IL6ST: variants seen among roughly 807,000 people sequenced by gnomAD.
IL6ST encodes interleukin 6 cytokine family signal transducer.
A neutral mutation model predicts 91.3 loss-of-function variants in IL6ST; 24 were observed. That is an observed-to-expected ratio of 0.26 (90% CI 0.19 to 0.37). The LOEUF is 0.37. Among genes scored for constraint, IL6ST ranks in the 10% least tolerant of loss-of-function variants. The pLI is 1.00. For missense variants in IL6ST, 914 were observed against 1,078.5 expected (o/e 0.85, Z 2.14); for synonymous variants, 351 against 373.6 (o/e 0.94, Z 0.70).
At chr5:55,956,675 T>TAGA (rs1751997218) in intron 9 of IL6ST, among the ~76,000 whole-genome samples, 6 of 152,338 alleles carry the variant, frequency 3.9e-5, no homozygotes, top group Admixed American at 2.0e-4. Context: ...ATAGAACTTA[T>TAGA]ACTTTCACAG....
chr5:55,973,961 G>GC (rs1324421739), intron 3 of IL6ST, among the ~76,000 whole-genome samples: 2 of 152,094 alleles, frequency 1.3e-5, no homozygotes, highest in Non-Finnish European at 2.9e-5. Context: ...AATGAAATTA[G>GC]CAACAGAGGA....
At position 55,941,103 on chromosome 5, in the gene IL6ST, T is replaced by C. The variant is rs150684244; in HGVS notation, c.2736A>G (p.Gln912=). ...PKSYLPQTVR[Q]GGYMPQ is the part of the protein sequence containing the mutation. The stretch of plus-strand genomic sequence containing the variant: ...TCCTTCACTGAGGCATGTAGCCGCC[T>C]TGCCGTACAGTCTGTGGTAAGTAAC... The change falls in exon 17 of 17, where the codon CAA becomes CAG. Residue 912 remains glutamine (Q), a synonymous_variant. Transcript: ENST00000381298. 1.9e-4 allele frequency: 303 copies of C among 1,613,250 alleles called. 2 individuals carry two copies. In the African/African-American group the frequency reaches 3.4e-3, roughly 18 times the overall value.
At chr5:55,967,451 C>T (rs568825885) in intron 5 of IL6ST, among the ~76,000 whole-genome samples, 2 of 149,826 alleles carry the variant, frequency 1.3e-5, no homozygotes, top group Non-Finnish European at 3.0e-5. Flanking sequence ...GACATAAATT[C>T]ACAAAGTATG....
Position 55,935,248 on chromosome 5 carries a change from C to T in IL6ST, c.*5834G>A, listed in dbSNP as rs566736076. Reference sequence around the variant, plus strand: ...AGGGGATAATTCTCACTAAAAAAAGCTCAAAAATAAGAAATGACAATTCTA... The same window carrying T: ...AGGGGATAATTCTCACTAAAAAAAGTTCAAAAATAAGAAATGACAATTCTA... On this transcript the variant is annotated 3_prime_UTR_variant, in exon 17 of 17. Coordinates refer to ENST00000381298, the MANE Select transcript of IL6ST (RefSeq NM_002184.4). 1 of 183,704 alleles carries T rather than the reference C, an allele frequency of 5.4e-6. No individual in the cohort carries two copies. Among genetic ancestry groups the T allele is most frequent in the East Asian group, 8.9e-5 (1 of 11,280 alleles). The allele number at this position is 183,704 out of a possible 1,614,324, so 11.4% of individuals were successfully genotyped here.
intron 16 of IL6ST, 149 bp from the exon 17 acceptor site, chr5:55,941,968 TATAAA>T: frequency 3.0e-6 from 2 of 661,042 alleles, no homozygotes; most frequent in Non-Finnish European, 5.2e-6. Flanking sequence ...ATGCAGATAC[TATAAA>T]ATGAGTCTAA....
rs117294635 is a variant in IL6ST, at chr5:55,975,372, T to C, written c.64+843A>G. Reference sequence around the variant, plus strand: ...CTATGTGAGATGCCTCACTCCCCCTTTGTCTTCTGCCATGACTGGAAACTT... The same window carrying C: ...CTATGTGAGATGCCTCACTCCCCCTCTGTCTTCTGCCATGACTGGAAACTT... On this transcript the variant is annotated intron_variant, in intron 3 of 16. Transcript: ENST00000381298. Among the ~76,000 whole-genome samples the C allele has an allele frequency of 3.7e-4, 57 of 152,260 alleles. No individual in the cohort carries two copies. In the East Asian group the frequency reaches 7.5e-3, roughly 20 times the overall value.
intron 7 of IL6ST, among the ~76,000 whole-genome samples, chr5:55,961,429 A>G (rs1451355033): frequency 6.6e-6 from 1 of 152,140 alleles, no homozygotes; most frequent in Non-Finnish European, 1.5e-5. Context: ...CCGGTCAGCT[A>G]GAGAGGGCTG....
chr5:55,972,738 C>T, intron 3 of IL6ST, among the ~76,000 whole-genome samples: 1 of 152,112 alleles, frequency 6.6e-6, no homozygotes. Context: ...GACGCAGTGA[C>T]TCACGTCTGT....
At position 55,935,985 on chromosome 5, in the gene IL6ST, G is replaced by A. The variant is rs907055650; in HGVS notation, c.*5097C>T. On this transcript the variant is annotated 3_prime_UTR_variant, in exon 17 of 17. Coordinates refer to ENST00000381298, the MANE Select transcript of IL6ST (RefSeq NM_002184.4). ...ACCAAATAGAAGATTTTAAACAAAGGAGCACATAGCCCAAAGCTGACATGT... is the reference window on the plus strand; with the variant it reads ...ACCAAATAGAAGATTTTAAACAAAGAAGCACATAGCCCAAAGCTGACATGT... 4.5e-6 allele frequency: 1 copy of A among 224,132 alleles called. No homozygotes were observed. The highest frequency in any genetic ancestry group is 8.9e-6 in the Non-Finnish European group (1 of 112,340). The allele number at this position is 224,132 out of a possible 1,614,324, so 13.9% of individuals were successfully genotyped here.
chr5:55,985,272 T>G (rs1348040341), intron 1 of IL6ST, among the ~76,000 whole-genome samples: 1 of 152,078 alleles, frequency 6.6e-6, no homozygotes, highest in Non-Finnish European at 1.5e-5. Flanking sequence ...TCCCATCACT[T>G]TGGGAGGCCG....
intron 1 of IL6ST, among the ~76,000 whole-genome samples, chr5:55,986,388 AATTCTGTCTTACTTTG>A (rs1381293290): frequency 1.2e-4 from 19 of 152,306 alleles, no homozygotes; most frequent in African/African-American, 4.6e-4. Flanking sequence ...TACTATAGCC[AATTCTGTCTTACTTTG>A]ATTAGTGTTA....
At chr5:55,979,050 AAC>A (rs1374215020) in intron 2 of IL6ST, among the ~76,000 whole-genome samples, 1 of 152,196 alleles carries the variant, frequency 6.6e-6, no homozygotes, top group East Asian at 1.9e-4. Flanking sequence ...GAAAAATAAC[AAC>A]AGATACATGC....
In IL6ST at chr5:55,985,412, G is replaced by T. The variant is rs948409045; in HGVS notation, c.-103-2601C>A. ...CACATCTGTAATCCCAGCTACACAGGAAGCTGAGGCAAGAGAACTGCTTGA... is the reference window on the plus strand; with the variant it reads ...CACATCTGTAATCCCAGCTACACAGTAAGCTGAGGCAAGAGAACTGCTTGA... On this transcript the variant is annotated intron_variant, in intron 1 of 16. Transcript: ENST00000381298. 4.6e-5 allele frequency among the ~76,000 whole-genome samples: 7 copies of T among 151,652 alleles called. No homozygotes were observed. The East Asian group carries it at 1.4e-3, about 29-fold the overall frequency.
chr5:55,949,740 CT>C (rs1221499465), intron 14 of IL6ST, among the ~76,000 whole-genome samples: 1 of 152,266 alleles, frequency 6.6e-6, no homozygotes, highest in Middle Eastern at 3.4e-3. Context: ...AGCTCAGGAA[CT>C]TTTATCATTT....
Position 55,959,688 on chromosome 5 carries a change from G to A in IL6ST, c.973+714C>T, listed in dbSNP as rs1340661159. On this transcript the variant is annotated intron_variant, in intron 8 of 16. Coordinates refer to ENST00000381298, the MANE Select transcript of IL6ST (RefSeq NM_002184.4). Reference sequence around the variant, plus strand: ...TATCAAGTGCTATTAGAAAAAAAATGAATAAAAGGTATAATACAAGTATAT... The same window carrying A: ...TATCAAGTGCTATTAGAAAAAAAATAAATAAAAGGTATAATACAAGTATAT... The A allele has an allele frequency of 7.2e-6, 9 of 1,249,806 alleles. No individual in the cohort carries two copies. The African/African-American group carries it at 1.2e-4, about 17-fold the overall frequency. The allele number at this position is 1,249,806 out of a possible 1,614,324, so 77.4% of individuals were successfully genotyped here.
chr5:55,946,840 A>G (rs932727188), intron 15 of IL6ST, among the ~76,000 whole-genome samples: 4 of 152,026 alleles, frequency 2.6e-5, no homozygotes, highest in Non-Finnish European at 5.9e-5. Flanking sequence ...GGAGAAGTAT[A>G]TGCAACATCA....
intron 2 of IL6ST, among the ~76,000 whole-genome samples, chr5:55,981,018 C>G (rs1040783255): frequency 1.3e-5 from 2 of 152,206 alleles, no homozygotes; most frequent in African/African-American, 4.8e-5. Flanking sequence ...GTGTGAGCCA[C>G]TGTGCCAAGC....
intron 3 of IL6ST, among the ~76,000 whole-genome samples, chr5:55,974,822 A>C (rs1231659207): frequency 1.3e-5 from 2 of 151,838 alleles, no homozygotes; most frequent in Non-Finnish European, 2.9e-5. Context: ...TAATAACCCT[A>C]GGAGGTAGTG....
At position 55,981,635 on chromosome 5, in the gene IL6ST, T is replaced by TC. The variant is rs550184105; in HGVS notation, c.-16+1088dup. On this transcript the variant is annotated intron_variant, in intron 2 of 16. Transcript: ENST00000381298. ...TCCAGCCTGGGTGACAGAGCGAGAC[T>TC]CCATCTCAAAAAAATAAAAAAAAAA... 9.3e-4 allele frequency among the ~76,000 whole-genome samples: 142 copies of TC among 151,956 alleles called. 1 individual carries two copies. Among genetic ancestry groups the TC allele is most frequent in the African/African-American group, 3.2e-3 (132 of 41,444 alleles).
Sources: allele counts gnomAD v4.1 joint callset (sites outside exome capture counted in the v4.1 genomes callset), GRCh38; gene constraint gnomAD v4.1.1; transcripts MANE v1.5; gene names NCBI Gene and HGNC (gene_info 2026-07-23, HGNC 2026-07-21).